The following NGEF variants were observed in gnomAD, a reference collection of about 807,000 sequenced individuals.
NGEF encodes neuronal guanine nucleotide exchange factor, also known as ephexin-1.
NGEF carries 31 observed loss-of-function variants against 80.9 expected under a neutral mutation model. That is an observed-to-expected ratio of 0.38 (90% CI 0.29 to 0.52). NGEF has a LOEUF of 0.52. Ranked by LOEUF, NGEF falls within the 20% of genes least tolerant of loss-of-function variation. The probability of loss-of-function intolerance (pLI) is 0.84; values close to 1 mark genes in which losing one functional copy is unlikely to be tolerated. For missense variants in NGEF, 709 were observed against 926.2 expected (o/e 0.77, Z 3.04); for synonymous variants, 371 against 370.2 (o/e 1.00, Z -0.03).
chr2:232,941,144 G>A (rs1693429732), intron 3 of NGEF, among the ~76,000 whole-genome samples: 1 of 152,152 alleles, frequency 6.6e-6, no homozygotes, highest in African/African-American at 2.4e-5. Flanking sequence ...AGTCGGAGCT[G>A]TCTTCTTGAG....
chr2:232,919,756 G>A (rs1306481963), intron 5 of NGEF, among the ~76,000 whole-genome samples: 1 of 152,218 alleles, frequency 6.6e-6, no homozygotes, highest in Non-Finnish European at 1.5e-5. Flanking sequence ...GAAGGGGCCA[G>A]AGACACGAAT....
At chr2:232,901,625 C>T (rs969831617) in intron 5 of NGEF, among the ~76,000 whole-genome samples, 5 of 152,228 alleles carry the variant, frequency 3.3e-5, no homozygotes, top group South Asian at 2.1e-4. Flanking sequence ...GGAAACAAAA[C>T]GTAGCCCCTT....
chr2:232,882,292 C>T, intron 12 of NGEF, 27 bp from the exon 13 acceptor site: 1 of 1,599,220 alleles, frequency 6.3e-7, no homozygotes, highest in East Asian at 2.2e-5. Context: ...GACAGTGCCC[C>T]AACTGCAGAT....
intron 1 of NGEF, among the ~76,000 whole-genome samples, chr2:232,975,382 C>G (rs150476912): frequency 2.4e-4 from 37 of 152,256 alleles, no homozygotes; most frequent in African/African-American, 7.5e-4. Context: ...CAAGGTCTCA[C>G]AATGGTAAGT....
chr2:232,989,170 A>G (rs1694600809), intron 1 of NGEF, among the ~76,000 whole-genome samples: 1 of 152,174 alleles, frequency 6.6e-6, no homozygotes, highest in African/African-American at 2.4e-5. Flanking sequence ...TATGTCGGCC[A>G]GGTGCGGTGG....
intron 3 of NGEF, chr2:232,927,795 G>T: frequency 2.7e-6 from 2 of 735,580 alleles, no homozygotes; most frequent in Non-Finnish European, 3.7e-6. Context: ...GAGGAGTGGG[G>T]ATAGGCCGCG....
rs1693643717 is a variant in NGEF, at chr2:232,949,850, T to C, written c.383+20364A>G. On this transcript the variant is annotated intron_variant, in intron 3 of 14. Coordinates refer to ENST00000264051, the MANE Select transcript of NGEF (RefSeq NM_019850.3). ...TTTTTAGATGAAGTCTCACTCTTGT[T>C]GCCCAGGCTGGAGTGCAGTGGTGCC... is the stretch of plus-strand genomic sequence containing the variant. Among the ~76,000 whole-genome samples the C allele has an allele frequency of 5.3e-5, 8 of 151,772 alleles. No homozygotes were observed. The South Asian group carries it at 1.7e-3, about 32-fold the overall frequency.
At chr2:232,946,006 T>C (rs1416369129) in intron 3 of NGEF, among the ~76,000 whole-genome samples, 1 of 150,764 alleles carries the variant, frequency 6.6e-6, no homozygotes, top group East Asian at 1.9e-4. Context: ...GTGATATCCA[T>C]ATATATATAT....
chr2:232,916,721 C>T (rs1273607591), intron 5 of NGEF, among the ~76,000 whole-genome samples: 2 of 152,184 alleles, frequency 1.3e-5, no homozygotes, highest in South Asian at 2.1e-4. Flanking sequence ...TGCAAATGGC[C>T]GCTCTTGCAC....
At chr2:233,011,986 C>T (rs1019374265) in intron 1 of NGEF, among the ~76,000 whole-genome samples, 2 of 152,064 alleles carry the variant, frequency 1.3e-5, no homozygotes, top group African/African-American at 4.8e-5. Context: ...AGCTTGACCC[C>T]CAAGGGGACC....
chr2:232,990,205 AG>A (rs952170894), intron 1 of NGEF, among the ~76,000 whole-genome samples: 1 of 152,174 alleles, frequency 6.6e-6, no homozygotes, highest in Non-Finnish European at 1.5e-5. Flanking sequence ...AATTCAGCCT[AG>A]GTCCTGAATA....
intron 9 of NGEF, among the ~76,000 whole-genome samples, chr2:232,887,108 T>C (rs1034278618): frequency 6.6e-6 from 1 of 152,214 alleles, no homozygotes; most frequent in Non-Finnish European, 1.5e-5. Flanking sequence ...GAGAGTGATA[T>C]TCTTTTTACT....
chr2:232,889,216 G>A lies in NGEF; in HGVS notation c.1273-1109C>T, dbSNP rs114040399. Among the ~76,000 whole-genome samples the A allele has an allele frequency of 7.1e-3, 1,081 of 152,306 alleles. 10 individuals are homozygous for A. Among genetic ancestry groups the A allele is most frequent in the African/African-American group, 0.025 (1,046 of 41,558 alleles). On this transcript the variant is annotated intron_variant, in intron 8 of 14. Coordinates refer to ENST00000264051, the MANE Select transcript of NGEF (RefSeq NM_019850.3). ...CTTCCAAATCCCTGCTGAACAGCAC[G>A]GTTTAGACGCCATCTTTTCTCACAG...
chr2:232,992,896 A>C (rs559531357), intron 1 of NGEF, among the ~76,000 whole-genome samples: 10 of 150,638 alleles, frequency 6.6e-5, no homozygotes, highest in Non-Finnish European at 1.0e-4. Context: ...CTGAGGTGGG[A>C]GGATGGCTTC....
At chr2:232,996,362 C>T (rs1008356349) in intron 1 of NGEF, among the ~76,000 whole-genome samples, 3 of 152,158 alleles carry the variant, frequency 2.0e-5, no homozygotes, top group African/African-American at 7.2e-5. Flanking sequence ...ACAACAACAA[C>T]AACAGCAACC....
Position 232,985,103 on chromosome 2 carries a change from C to CT in NGEF, c.-74-10140dup, listed in dbSNP as rs1346316364. 1.2e-4 allele frequency among the ~76,000 whole-genome samples: 19 copies of CT among 152,318 alleles called. No homozygotes were observed. The South Asian group carries it at 1.9e-3, about 15-fold the overall frequency. ...GAGCTTCAACAGCCAGGACTAGAAT[C>CT]TTCCCCCATCACCTGATACCTGGCC... On this transcript the variant is annotated intron_variant, in intron 1 of 14. Transcript: ENST00000264051.
intron 8 of NGEF, 39 bp downstream of exon 8, chr2:232,891,319 G>C: frequency 6.2e-7 from 1 of 1,610,514 alleles, no homozygotes; most frequent in South Asian, 1.1e-5. Flanking sequence ...AGCAAAGCCT[G>C]GGAAGCCCCG....
chr2:232,889,849 A>G (rs1322924542), intron 8 of NGEF, among the ~76,000 whole-genome samples: 1 of 152,074 alleles, frequency 6.6e-6, no homozygotes, highest in African/African-American at 2.4e-5. Flanking sequence ...AGCTGCCCCT[A>G]GGTCTTTGGC....
At chr2:232,931,183 G>A (rs902694040) in intron 3 of NGEF, among the ~76,000 whole-genome samples, 12 of 152,254 alleles carry the variant, frequency 7.9e-5, no homozygotes, top group Admixed American at 7.2e-4. Flanking sequence ...CAAATTCCAT[G>A]AGGAAGATTC....
Sources: allele counts gnomAD v4.1 joint callset (sites outside exome capture counted in the v4.1 genomes callset), GRCh38; gene constraint gnomAD v4.1.1; transcripts MANE v1.5; gene names NCBI Gene and HGNC (gene_info 2026-07-23, HGNC 2026-07-21).